WDR70: variants seen among roughly 807,000 people sequenced by gnomAD.
The protein encoded by WDR70 is WD repeat-containing protein 70.
A neutral mutation model predicts 88.6 loss-of-function variants in WDR70; 53 were observed. The observed-to-expected ratio is 0.60, with a 90% confidence interval of 0.48 to 0.75. WDR70 has a LOEUF of 0.75. Ranked by LOEUF, WDR70 falls within the 30% of genes least tolerant of loss-of-function variation. The probability of loss-of-function intolerance (pLI) is 0.00; values close to 1 mark genes in which losing one functional copy is unlikely to be tolerated. For synonymous variants in WDR70, 280 were observed against 270.0 expected (o/e 1.04, Z -0.36); for missense variants, 610 against 823.2 (o/e 0.74, Z 3.17).
At chr5:37,391,910 A>T (rs1241121588) in intron 3 of WDR70, 90 bp from the exon 4 acceptor site, 2 of 1,388,242 alleles carry the variant, frequency 1.4e-6, no homozygotes, top group African/African-American at 2.9e-5. Flanking sequence ...TATCTTTGTG[A>T]CTATGTTAAT....
chr5:37,635,731 G>A (rs1475612863), intron 10 of WDR70, among the ~76,000 whole-genome samples: 1 of 152,120 alleles, frequency 6.6e-6, no homozygotes, highest in Non-Finnish European at 1.5e-5. Context: ...AGCTCACTCT[G>A]GAATATATTT....
chr5:37,677,501 T>C (rs1184758985), intron 10 of WDR70, among the ~76,000 whole-genome samples: 1 of 152,224 alleles, frequency 6.6e-6, no homozygotes, highest in African/African-American at 2.4e-5. Context: ...TACCCAGTAG[T>C]CATTCAGGAG....
At chr5:37,711,546 T>C (rs893955768) in intron 13 of WDR70, among the ~76,000 whole-genome samples, 6 of 152,226 alleles carry the variant, frequency 3.9e-5, no homozygotes, top group African/African-American at 1.4e-4. Flanking sequence ...CTCTGTTTCC[T>C]TGAAGATTAT....
intron 7 of WDR70, among the ~76,000 whole-genome samples, chr5:37,462,066 AGTC>A (rs1739023153): frequency 6.6e-6 from 1 of 152,110 alleles, no homozygotes; most frequent in Non-Finnish European, 1.5e-5. Context: ...AGTTTTCAGT[AGTC>A]CTTTCATTTA....
chr5:37,402,293 T>TTGTG (rs35565451), intron 5 of WDR70, among the ~76,000 whole-genome samples: 43 of 24,494 alleles, frequency 1.8e-3, no homozygotes, highest in African/African-American at 5.6e-3. Context: ...CAGATAGTAT[T>TTGTG]TGTGTGTGTG....
At chr5:37,417,290 C>T (rs953093042) in intron 5 of WDR70, among the ~76,000 whole-genome samples, 1 of 152,108 alleles carries the variant, frequency 6.6e-6, no homozygotes, top group Non-Finnish European at 1.5e-5. Flanking sequence ...GTGGCATGCT[C>T]ACTACTCAGC....
chr5:37,487,621 A>ATTTTTTTTTTT (rs1561871968), intron 8 of WDR70, among the ~76,000 whole-genome samples: 33 of 37,680 alleles, frequency 8.8e-4, no homozygotes, highest in African/African-American at 2.1e-3. Flanking sequence ...ATATATATAT[A>ATTTTTTTTTTT]TATGTATTTT....
chr5:37,695,017 A>G (rs1218017362), intron 10 of WDR70, among the ~76,000 whole-genome samples: 4 of 152,142 alleles, frequency 2.6e-5, no homozygotes, highest in Non-Finnish European at 5.9e-5. Context: ...TATAAAGAAA[A>G]GAGGTTTATT....
At chr5:37,411,579 A>T (rs1749527071) in intron 5 of WDR70, among the ~76,000 whole-genome samples, 1 of 152,182 alleles carries the variant, frequency 6.6e-6, no homozygotes, top group Non-Finnish European at 1.5e-5. Context: ...TACAAAAATT[A>T]TCCGGGTGTG....
At chr5:37,535,891 T>TA (rs2112317271) in intron 9 of WDR70, among the ~76,000 whole-genome samples, 1 of 152,334 alleles carries the variant, frequency 6.6e-6, no homozygotes. Context: ...GTGAACCCAC[T>TA]GAGTGGTTTG....
chr5:37,482,754 A>C (rs1177953946), intron 8 of WDR70, among the ~76,000 whole-genome samples: 1 of 152,206 alleles, frequency 6.6e-6, no homozygotes, highest in Admixed American at 6.5e-5. Flanking sequence ...ATTTGCAAGG[A>C]GGGGAGGTAG....
chr5:37,596,957 A>G (rs1016733667), intron 9 of WDR70, among the ~76,000 whole-genome samples: 1 of 152,120 alleles, frequency 6.6e-6, no homozygotes, highest in Non-Finnish European at 1.5e-5. Flanking sequence ...AACTGGAATT[A>G]TATCGTGTGT....
intron 9 of WDR70, among the ~76,000 whole-genome samples, chr5:37,585,065 A>G (rs1023161916): frequency 6.7e-6 from 1 of 149,580 alleles, no homozygotes; most frequent in Non-Finnish European, 1.5e-5. Context: ...ATATCGGCTC[A>G]CTGCAACCTC....
chr5:37,518,176 A>C (rs768008725), intron 9 of WDR70, among the ~76,000 whole-genome samples: 2 of 152,056 alleles, frequency 1.3e-5, no homozygotes, highest in Non-Finnish European at 2.9e-5. Flanking sequence ...TGGCCTCCCA[A>C]AGTGCTGGGA....
intron 9 of WDR70, among the ~76,000 whole-genome samples, chr5:37,520,950 T>G (rs911288381): frequency 1.3e-5 from 2 of 152,308 alleles, no homozygotes; most frequent in South Asian, 2.1e-4. Flanking sequence ...ATACTAATGT[T>G]AGAAGAAAAC....
At chr5:37,422,294 C>CT (rs1554138505) in intron 5 of WDR70, among the ~76,000 whole-genome samples, 3,641 of 145,776 alleles carry the variant, frequency 0.025, 139 homozygotes, top group African/African-American at 0.087. Context: ...TTCCTTTTTT[C>CT]TTTTTTTTTT....
At chr5:37,658,441 G>A (rs1054008732) in intron 10 of WDR70, among the ~76,000 whole-genome samples, 2 of 152,134 alleles carry the variant, frequency 1.3e-5, no homozygotes, top group African/African-American at 4.8e-5. Flanking sequence ...AACATAGTAT[G>A]CAGTTTCCCA....
intron 10 of WDR70, among the ~76,000 whole-genome samples, chr5:37,686,942 T>C (rs1746623498): frequency 9.6e-6 from 1 of 104,330 alleles, no homozygotes; most frequent in Admixed American, 1.3e-4. Flanking sequence ...AGAGCAAAAC[T>C]CTGTCTCAAA....
chr5:37,673,907 G>T, intron 10 of WDR70, among the ~76,000 whole-genome samples: 1 of 151,932 alleles, frequency 6.6e-6, no homozygotes, highest in South Asian at 2.1e-4. Flanking sequence ...TAAGGATAAT[G>T]GCCTCCACCT....
Sources: allele counts gnomAD v4.1 joint callset (sites outside exome capture counted in the v4.1 genomes callset), GRCh38; gene constraint gnomAD v4.1.1; transcripts MANE v1.5; gene names NCBI Gene and HGNC (gene_info 2026-07-23, HGNC 2026-07-21).